PALM2AKAP2: variants seen among roughly 807,000 people sequenced by gnomAD.
PALM2AKAP2 encodes PALM2-AKAP2 fusion protein.
In PALM2AKAP2, 37 loss-of-function variants were observed where a neutral mutation model predicts 71.5. The ratio of observed to expected loss-of-function variants is 0.52; its 90% CI spans 0.40 to 0.68. PALM2AKAP2 has a LOEUF of 0.68. Ranked by LOEUF, PALM2AKAP2 falls within the 30% of genes least tolerant of loss-of-function variation. PALM2AKAP2 has a pLI of 0.00. For synonymous variants in PALM2AKAP2, 468 were observed against 478.8 expected (o/e 0.98, Z 0.29); for missense variants, 1,224 against 1,191.8 (o/e 1.03, Z -0.40).
chr9:109,803,392 C>T (rs1011661137), intron 1 of PALM2AKAP2, among the ~76,000 whole-genome samples: 9 of 152,232 alleles, frequency 5.9e-5, no homozygotes, highest in East Asian at 1.9e-4. Context: ...GGGTAGGCAC[C>T]GCCTGTTGAA....
At chr9:109,789,630 T>C (rs1462529024) in intron 1 of PALM2AKAP2, among the ~76,000 whole-genome samples, 1 of 152,192 alleles carries the variant, frequency 6.6e-6, no homozygotes. Flanking sequence ...CTGTACAGGA[T>C]GAGGCCTAAG....
At chr9:110,014,808 AT>A (rs1832949225) in intron 6 of PALM2AKAP2, among the ~76,000 whole-genome samples, 3 of 4,194 alleles carry the variant, frequency 7.2e-4, no homozygotes, top group Admixed American at 4.7e-3. Flanking sequence ...AAAAAAATGT[AT>A]ATATATATAT....
intron 1 of PALM2AKAP2, among the ~76,000 whole-genome samples, chr9:109,846,962 A>T (rs1431188695): frequency 6.6e-6 from 1 of 152,176 alleles, no homozygotes; most frequent in East Asian, 1.9e-4. Flanking sequence ...GCTCTCTGTG[A>T]TTGATGACCT....
chr9:109,736,641 A>G (rs1267717888), intron 1 of PALM2AKAP2, among the ~76,000 whole-genome samples: 1 of 151,968 alleles, frequency 6.6e-6, no homozygotes, highest in Non-Finnish European at 1.5e-5. Flanking sequence ...ACAAGTGCAG[A>G]TTTCTTAAAT....
intron 1 of PALM2AKAP2, among the ~76,000 whole-genome samples, chr9:109,828,967 G>A (rs1186699216): frequency 6.6e-6 from 1 of 152,222 alleles, no homozygotes; most frequent in African/African-American, 2.4e-5. Flanking sequence ...TTTTTTGACA[G>A]TGGACTCTTT....
intron 7 of PALM2AKAP2, among the ~76,000 whole-genome samples, chr9:110,038,800 G>A (rs375383423): frequency 4.1e-4 from 62 of 151,834 alleles, no homozygotes; most frequent in African/African-American, 1.5e-3. Flanking sequence ...AATTACCTGG[G>A]CCTGGTGGAG....
intron 1 of PALM2AKAP2, among the ~76,000 whole-genome samples, chr9:109,750,570 A>AAGTGTGTG (rs746154004): frequency 0.035 from 3,464 of 97,800 alleles, 77 homozygotes; most frequent in South Asian, 0.084. Flanking sequence ...CTGCCCTAGG[A>AAGTGTGTG]CGTGTGTGTG....
chr9:110,117,773 C>T (rs927883328), intron 1 of PALM2AKAP2, among the ~76,000 whole-genome samples: 1 of 151,964 alleles, frequency 6.6e-6, no homozygotes, highest in African/African-American at 2.4e-5. Flanking sequence ...TTCAAGGTCC[C>T]ATCTCTCAAC....
At chr9:109,721,391 A>T (rs1394599244) in intron 1 of PALM2AKAP2, among the ~76,000 whole-genome samples, 1 of 152,210 alleles carries the variant, frequency 6.6e-6, no homozygotes, top group East Asian at 1.9e-4. Context: ...ATCGCTTTCT[A>T]TTGGGAACTT....
rs141671655 is a variant in PALM2AKAP2 at position 109,894,421 on chromosome 9, C to A, written c.257+13740C>A. On this transcript the variant is annotated intron_variant, in intron 3 of 9. Transcript: ENST00000302798. ...AGTCCATAAGGGACTTGCTTTATTA[C>A]AGAAAAGTGGCCAAACCCAGTAATA... Among the ~76,000 whole-genome samples, 336 of 152,278 alleles carry A rather than the reference C, an allele frequency of 2.2e-3. 2 individuals are homozygous for A. Among genetic ancestry groups the A allele is most frequent in the African/African-American group, 7.7e-3 (321 of 41,550 alleles).
At chr9:110,032,739 T>TAAATAAAA (rs1554740736) in intron 7 of PALM2AKAP2, among the ~76,000 whole-genome samples, 109 of 111,716 alleles carry the variant, frequency 9.8e-4, no homozygotes, top group Middle Eastern at 4.5e-3. Flanking sequence ...AATAAATAAA[T>TAAATAAAA]AAAATAAAAA....
intron 5 of PALM2AKAP2, among the ~76,000 whole-genome samples, chr9:109,931,689 T>C (rs1466674318): frequency 6.6e-6 from 1 of 152,218 alleles, no homozygotes; most frequent in African/African-American, 2.4e-5. Context: ...CTGATGACTC[T>C]TCTAATACAT....
rs145199638 is a variant in PALM2AKAP2 at position 109,782,235 on chromosome 9, T to C, written c.45+1702T>C. Among the ~76,000 whole-genome samples, 469 of 152,350 alleles carry C rather than the reference T, an allele frequency of 3.1e-3. 2 individuals carry two copies. The highest frequency in any genetic ancestry group is 0.017 in the Middle Eastern group (5 of 294). ...TTCCAAGAAAGATCTAGGCAAATCTTTGGGAATTCTCTTGAGCATATAAGA... is the reference window on the plus strand; with the variant it reads ...TTCCAAGAAAGATCTAGGCAAATCTCTGGGAATTCTCTTGAGCATATAAGA... On this transcript the variant is annotated intron_variant, in intron 1 of 9. Transcript: ENST00000302798.
chr9:109,890,542 TTC>T (rs1830064826), intron 3 of PALM2AKAP2, among the ~76,000 whole-genome samples: 1 of 152,240 alleles, frequency 6.6e-6, no homozygotes, highest in African/African-American at 2.4e-5. Flanking sequence ...TAAAAGCAAC[TTC>T]CGACATCAAG....
At chr9:109,731,926 T>C (rs1587886524) in intron 1 of PALM2AKAP2, among the ~76,000 whole-genome samples, 1 of 152,116 alleles carries the variant, frequency 6.6e-6, no homozygotes, top group Admixed American at 6.6e-5. Context: ...TTGATTCTGC[T>C]CCAGCCACAG....
intron 1 of PALM2AKAP2, among the ~76,000 whole-genome samples, chr9:109,695,214 A>C (rs1288613798): frequency 6.6e-6 from 1 of 152,228 alleles, no homozygotes; most frequent in African/African-American, 2.4e-5. Flanking sequence ...TGCCATAAGC[A>C]AAGTCAAAAG....
intron 1 of PALM2AKAP2, among the ~76,000 whole-genome samples, chr9:110,057,535 C>T (rs937468166): frequency 2.6e-5 from 4 of 151,970 alleles, no homozygotes; most frequent in South Asian, 2.1e-4. Flanking sequence ...CGTGCCACCA[C>T]GCCCGGCTAA....
chr9:109,816,503 G>A (rs914212260), intron 1 of PALM2AKAP2, among the ~76,000 whole-genome samples: 3 of 152,150 alleles, frequency 2.0e-5, no homozygotes, highest in Non-Finnish European at 2.9e-5. Context: ...AGTCTGGGCC[G>A]CTGCACCTAA....
At chr9:109,968,441 G>A (rs1831997923) in intron 6 of PALM2AKAP2, among the ~76,000 whole-genome samples, 1 of 152,180 alleles carries the variant, frequency 6.6e-6, no homozygotes, top group African/African-American at 2.4e-5. Flanking sequence ...CAAACTGAGA[G>A]CAGAAGCGAC....
Sources: gnomAD v4.1 joint callset for allele counts (sites outside exome capture counted in the v4.1 genomes callset) on GRCh38, gnomAD v4.1.1 for gene constraint, MANE v1.5 for transcripts, NCBI Gene and HGNC (gene_info 2026-07-23, HGNC 2026-07-21) for gene names.